The following SMOC1 variants were observed in gnomAD, a reference collection of about 807,000 sequenced individuals.
SMOC1 encodes SPARC-related modular calcium-binding protein 1.
A neutral mutation model predicts 56.3 loss-of-function variants in SMOC1; 22 were observed. The observed-to-expected ratio is 0.39, with a 90% CI of 0.28 to 0.56. SMOC1 has a LOEUF of 0.56. Ranked by LOEUF, SMOC1 falls within the 20% of genes least tolerant of loss-of-function variation. SMOC1 has a pLI of 0.61. For missense variants in SMOC1, 509 were observed against 565.4 expected, an observed-to-expected ratio of 0.90 and a Z score of 1.01; for synonymous variants, 193 against 215.0, an observed-to-expected ratio of 0.90 and a Z score of 0.89.
intron 7 of SMOC1, among the ~76,000 whole-genome samples, chr14:70,001,081 T>C (rs1199086852): frequency 6.6e-6 from 1 of 152,170 alleles, no homozygotes; most frequent in African/African-American, 2.4e-5. Context: ...ACCCAGCCCC[T>C]TCCTGGTGCT....
chr14:69,980,064 T>TGG (rs148734821), intron 5 of SMOC1, among the ~76,000 whole-genome samples: 13 of 152,158 alleles, frequency 8.5e-5, no homozygotes, highest in Non-Finnish European at 1.8e-4. Flanking sequence ...CAGCTGGAAG[T>TGG]GGGGGGGTGA....
chr14:69,984,448 C>T (rs914685878), intron 5 of SMOC1, among the ~76,000 whole-genome samples: 10 of 152,130 alleles, frequency 6.6e-5, no homozygotes, highest in African/African-American at 1.4e-4. Flanking sequence ...GAAAAAACTA[C>T]AGCCTGAGAA....
chr14:69,888,096 C>T (rs1883859130), intron 1 of SMOC1, among the ~76,000 whole-genome samples: 3 of 152,144 alleles, frequency 2.0e-5, no homozygotes, highest in Non-Finnish European at 2.9e-5. Context: ...GGGCCCCCTC[C>T]TTCCATGTTT....
intron 11 of SMOC1, among the ~76,000 whole-genome samples, chr14:70,029,419 G>T (rs536259043): frequency 6.6e-6 from 1 of 152,322 alleles, no homozygotes; most frequent in South Asian, 2.1e-4. Context: ...ATAGCTGAGG[G>T]ATTGCAAAGA....
chr14:69,907,646 A>G (rs899714715), intron 1 of SMOC1, among the ~76,000 whole-genome samples: 1 of 152,224 alleles, frequency 6.6e-6, no homozygotes, highest in Admixed American at 6.5e-5. Context: ...CAAGAGAAGT[A>G]TTAAGAATGA....
intron 1 of SMOC1, among the ~76,000 whole-genome samples, chr14:69,906,520 TGTG>T (rs1884412902): frequency 6.6e-6 from 1 of 152,248 alleles, no homozygotes; most frequent in Non-Finnish European, 1.5e-5. Flanking sequence ...TTGAGTCCTC[TGTG>T]GAGCAGAGAC....
At chr14:69,899,847 A>G (rs576387987) in intron 1 of SMOC1, among the ~76,000 whole-genome samples, 1 of 152,246 alleles carries the variant, frequency 6.6e-6, no homozygotes, top group Admixed American at 6.5e-5. Flanking sequence ...ATACCGGTTT[A>G]GGTTTTCTTA....
chr14:69,989,599 A>G (rs763840029), intron 5 of SMOC1, among the ~76,000 whole-genome samples: 9 of 152,236 alleles, frequency 5.9e-5, no homozygotes, highest in Non-Finnish European at 8.8e-5. Flanking sequence ...ATTTTAGAAG[A>G]GGATATTGCT....
intron 1 of SMOC1, among the ~76,000 whole-genome samples, chr14:69,906,875 C>G (rs1884423047): frequency 6.6e-6 from 1 of 152,098 alleles, no homozygotes; most frequent in Admixed American, 6.6e-5. Flanking sequence ...TTTCAATAAG[C>G]TTGGCCATGA....
chr14:69,959,954 C>G (rs952926452), intron 3 of SMOC1, among the ~76,000 whole-genome samples: 2 of 152,166 alleles, frequency 1.3e-5, no homozygotes, highest in Admixed American at 1.3e-4. Context: ...TTTAGCTCCC[C>G]AGCCCCACAG....
At chr14:69,892,757 T>A (rs1371848124) in intron 1 of SMOC1, among the ~76,000 whole-genome samples, 5 of 152,222 alleles carry the variant, frequency 3.3e-5, no homozygotes. Context: ...CTGTACATTT[T>A]CATATATATC....
intron 10 of SMOC1, among the ~76,000 whole-genome samples, chr14:70,017,860 T>A (rs1261612639): frequency 6.6e-6 from 1 of 152,116 alleles, no homozygotes; most frequent in African/African-American, 2.4e-5. Flanking sequence ...CCAGAGCATG[T>A]GAGGGAAGGC....
At chr14:69,917,886 C>A (rs1406806109) in intron 1 of SMOC1, among the ~76,000 whole-genome samples, 1 of 152,076 alleles carries the variant, frequency 6.6e-6, no homozygotes, top group African/African-American at 2.4e-5. Flanking sequence ...TGAGTGAACA[C>A]AGCAGCAGGC....
intron 1 of SMOC1, among the ~76,000 whole-genome samples, chr14:69,948,888 G>T (rs1882891915): frequency 6.6e-6 from 1 of 152,184 alleles, no homozygotes; most frequent in East Asian, 1.9e-4. Flanking sequence ...ACAGCATGTG[G>T]GTGCTGTTGC....
intron 3 of SMOC1, among the ~76,000 whole-genome samples, chr14:69,968,192 G>A (rs1396114339): frequency 6.6e-6 from 1 of 152,190 alleles, no homozygotes; most frequent in Non-Finnish European, 1.5e-5. Context: ...CCAGAAAGAG[G>A]GTGGGATGCT....
chr14:69,940,651 T>C (rs1882518481), intron 1 of SMOC1, among the ~76,000 whole-genome samples: 1 of 152,206 alleles, frequency 6.6e-6, no homozygotes, highest in African/African-American at 2.4e-5. Flanking sequence ...CCCACAAGTC[T>C]AAGTCCTCTC....
At chr14:69,945,589 A>G (rs1224134138) in intron 1 of SMOC1, among the ~76,000 whole-genome samples, 1 of 152,228 alleles carries the variant, frequency 6.6e-6, no homozygotes, top group African/African-American at 2.4e-5. Flanking sequence ...AGCCCAGCCA[A>G]CCCACATAAT....
intron 5 of SMOC1, among the ~76,000 whole-genome samples, chr14:69,981,894 G>T (rs1884192955): frequency 6.6e-6 from 1 of 152,172 alleles, no homozygotes; most frequent in Non-Finnish European, 1.5e-5. Flanking sequence ...ACAGGTTCAG[G>T]GGCTGGCCCT....
At chr14:69,973,933 A>T (rs1402688689) in intron 3 of SMOC1, among the ~76,000 whole-genome samples, 3 of 152,186 alleles carry the variant, frequency 2.0e-5, no homozygotes, top group African/African-American at 7.2e-5. Flanking sequence ...GATTTCAAGA[A>T]GCACATTTTC....
Sources: gnomAD v4.1 joint callset for allele counts (sites outside exome capture counted in the v4.1 genomes callset) on GRCh38, gnomAD v4.1.1 for gene constraint, MANE v1.5 for transcripts, NCBI Gene and HGNC (gene_info 2026-07-23, HGNC 2026-07-21) for gene names.